Variants in CNTNAP4 observed in about 807,000 individuals in gnomAD.
CNTNAP4 encodes the protein contactin-associated protein-like 4.
CNTNAP4 carries 98 observed loss-of-function variants against 148.4 expected under a neutral mutation model. The ratio of observed to expected loss-of-function variants is 0.66; its 90% CI spans 0.56 to 0.78. CNTNAP4 has a LOEUF of 0.78. Ranked by LOEUF, CNTNAP4 falls within the 30% of genes least tolerant of loss-of-function variation. The pLI is 0.00. For synonymous variants in CNTNAP4, 730 were observed against 565.1 expected, an observed-to-expected ratio of 1.29 and a Z score of -4.14; for missense variants, 1,935 against 1,565.6, an observed-to-expected ratio of 1.24 and a Z score of -3.98.
At chr16:76,354,679 T>TGTTGG (rs1491194646) in intron 2 of CNTNAP4, among the ~76,000 whole-genome samples, 1 of 152,236 alleles carries the variant, frequency 6.6e-6, no homozygotes, top group Non-Finnish European at 1.5e-5. Flanking sequence ...TCTCACAAAC[T>TGTTGG]GTTGGGAACA....
At chr16:76,392,114 C>G (rs2017053461) in intron 3 of CNTNAP4, among the ~76,000 whole-genome samples, 1 of 152,160 alleles carries the variant, frequency 6.6e-6, no homozygotes, top group Admixed American at 6.5e-5. Flanking sequence ...CTGCCTCAGC[C>G]TCCCAAGAAG....
chr16:76,480,269 C>T (rs997401047), intron 12 of CNTNAP4, among the ~76,000 whole-genome samples: 5 of 151,986 alleles, frequency 3.3e-5, no homozygotes, highest in African/African-American at 1.2e-4. Context: ...CATTGAACAA[C>T]AAACATAAAA....
chr16:76,550,069 G>A (rs1007128683), intron 21 of CNTNAP4, among the ~76,000 whole-genome samples: 2 of 152,150 alleles, frequency 1.3e-5, no homozygotes, highest in Admixed American at 6.5e-5. Context: ...AAGTAATACA[G>A]CCAGAAGATG....
At chr16:76,517,698 A>C (rs2083302027) in intron 15 of CNTNAP4, among the ~76,000 whole-genome samples, 1 of 152,206 alleles carries the variant, frequency 6.6e-6, no homozygotes, top group South Asian at 2.1e-4. Flanking sequence ...ACAATTCAGT[A>C]ATATAAAGTG....
intron 8 of CNTNAP4, among the ~76,000 whole-genome samples, chr16:76,454,114 T>TC (rs922202787): frequency 1.3e-5 from 2 of 148,914 alleles, no homozygotes; most frequent in Admixed American, 1.3e-4. Flanking sequence ...TTTCTTTCTT[T>TC]TTTTTTTTTT....
intron 2 of CNTNAP4, among the ~76,000 whole-genome samples, chr16:76,330,637 C>T (rs1020083772): frequency 6.6e-6 from 1 of 152,204 alleles, no homozygotes; most frequent in Admixed American, 6.5e-5. Flanking sequence ...GGCTACCATT[C>T]ACTAACAGTA....
intron 4 of CNTNAP4, among the ~76,000 whole-genome samples, chr16:76,436,899 C>G (rs1035806465): frequency 6.6e-6 from 1 of 152,006 alleles, no homozygotes; most frequent in African/African-American, 2.4e-5. Flanking sequence ...ATATTCTGTT[C>G]CTGTAGAACC....
chr16:76,316,249 A>T (rs1961725233), intron 1 of CNTNAP4, 164 bp from the exon 2 acceptor site: 1 of 672,696 alleles, frequency 1.5e-6, no homozygotes. Flanking sequence ...TTCTCATTGA[A>T]CTTACTAGAC....
At chr16:76,395,865 A>G (rs1221729074) in intron 3 of CNTNAP4, among the ~76,000 whole-genome samples, 1 of 151,874 alleles carries the variant, frequency 6.6e-6, no homozygotes, top group East Asian at 1.9e-4. Flanking sequence ...AGTAGCTAGG[A>G]CTACAGGTGT....
chr16:76,460,774 ATATAT>A (rs1210755377), intron 8 of CNTNAP4, among the ~76,000 whole-genome samples: 111 of 52,480 alleles, frequency 2.1e-3, no homozygotes, highest in Admixed American at 3.1e-3. Flanking sequence ...AAAAAAAAAA[ATATAT>A]ATATATATAT....
chr16:76,496,624 C>G (rs1159106619), intron 14 of CNTNAP4, among the ~76,000 whole-genome samples: 1 of 152,032 alleles, frequency 6.6e-6, no homozygotes, highest in Non-Finnish European at 1.5e-5. Context: ...CACACAGGCT[C>G]CACCTAATGA....
At chr16:76,542,832 A>T (rs12924274) in intron 21 of CNTNAP4, among the ~76,000 whole-genome samples, 3 of 152,160 alleles carry the variant, frequency 2.0e-5, no homozygotes. Flanking sequence ...GAGTGGAATT[A>T]TAAGCTGATA....
At chr16:76,462,238 C>G (rs900093147) in intron 9 of CNTNAP4, 133 bp downstream of exon 9, 1 of 778,410 alleles carries the variant, frequency 1.3e-6, no homozygotes, top group Non-Finnish European at 1.9e-6. Context: ...TGATCACGGA[C>G]ATTTTGGGTG....
chr16:76,503,385 C>T (rs1006969318), intron 15 of CNTNAP4, among the ~76,000 whole-genome samples: 10 of 152,046 alleles, frequency 6.6e-5, no homozygotes, highest in African/African-American at 2.4e-4. Context: ...ATTACTTTTG[C>T]ACCAACCTTA....
At chr16:76,297,674 C>G (rs535996411) in intron 1 of CNTNAP4, among the ~76,000 whole-genome samples, 16 of 152,092 alleles carry the variant, frequency 1.1e-4, no homozygotes, top group Non-Finnish European at 2.4e-4. Flanking sequence ...AAAAGAAGCT[C>G]AGAAGCTTAT....
At chr16:76,469,558 C>G (rs957925801) in intron 10 of CNTNAP4, 1 of 152,214 alleles carries the variant, frequency 6.6e-6, no homozygotes, top group Non-Finnish European at 1.5e-5. Context: ...GCTGAACATT[C>G]ATTTGGTACA....
Position 76,556,343 on chromosome 16 carries a change from A to C in CNTNAP4, c.3734-2147A>C, listed in dbSNP as rs140619104. On this transcript the variant is annotated intron_variant, in intron 23 of 23. Coordinates refer to ENST00000611870, the MANE Select transcript of CNTNAP4 (RefSeq NM_033401.5). ...TAGAGGCTGGCCACATTTTATTCAT[A>C]ATAACTAATTTATTTTTTATTTTTA... is the stretch of plus-strand genomic sequence containing the variant. Among the ~76,000 whole-genome samples the C allele has an allele frequency of 1.3e-3, 192 of 152,274 alleles. 5 individuals carry two copies. In the East Asian group the frequency reaches 0.027, roughly 22 times the overall value.
At chr16:76,416,091 C>T (rs4261575) in intron 3 of CNTNAP4, among the ~76,000 whole-genome samples, 57,434 of 150,642 alleles carry the variant, frequency 0.38, 11,160 homozygotes, top group Middle Eastern at 0.49. Context: ...TATCCATGGG[C>T]TCAATATTGG....
At chr16:76,289,808 T>A (rs1380321284) in intron 1 of CNTNAP4, among the ~76,000 whole-genome samples, 1 of 152,054 alleles carries the variant, frequency 6.6e-6, no homozygotes, top group East Asian at 1.9e-4. Flanking sequence ...TGGACTCAAG[T>A]GATCCACCCG....
Sources: allele counts gnomAD v4.1 joint callset (sites outside exome capture counted in the v4.1 genomes callset), GRCh38; gene constraint gnomAD v4.1.1; transcripts MANE v1.5; gene names NCBI Gene and HGNC (gene_info 2026-07-23, HGNC 2026-07-21).